ITGB3: variants seen among roughly 807,000 people sequenced by gnomAD.
ITGB3 encodes integrin beta-3.
ITGB3 carries 48 observed loss-of-function variants against 85.8 expected under a neutral mutation model. The observed-to-expected ratio is 0.56, with a 90% CI of 0.44 to 0.71. ITGB3 has a LOEUF of 0.71. ITGB3 is among the 30% of genes least tolerant of loss of function. The pLI, the probability that ITGB3 is intolerant of heterozygous loss-of-function variation, is 0.00. For missense variants in ITGB3, 861 were observed against 1,019.1 expected (o/e 0.84, Z 2.11); for synonymous variants, 363 against 395.6 (o/e 0.92, Z 0.98).
Position 47,310,570 on chromosome 17 carries a change from A to C in ITGB3, c.*366A>C. Reference sequence around the variant, plus strand: ...CAGTGAGAAGCCAGCTTTCCTCATCAGGCCATTGTCCCTGAAGAGAAGGGC... The same window carrying C: ...CAGTGAGAAGCCAGCTTTCCTCATCCGGCCATTGTCCCTGAAGAGAAGGGC... On this transcript the variant is annotated 3_prime_UTR_variant, in exon 15 of 15. Transcript: ENST00000559488. 2.7e-6 allele frequency: 1 copy of C among 367,126 alleles called. No individual in the cohort carries two copies. The highest frequency in any genetic ancestry group is 3.7e-5 in the Admixed American group (1 of 26,946). The allele number at this position is 367,126 out of a possible 1,614,324, so 22.7% of individuals were successfully genotyped here.
Position 47,310,021 on chromosome 17 carries a change from T to C in ITGB3, c.2302-118T>C, listed in dbSNP as rs935467907. The C allele has an allele frequency of 3.7e-6, 3 of 810,694 alleles. No individual in the cohort carries two copies. The African/African-American group carries it at 5.0e-5, about 14-fold the overall frequency. 50.2% of individuals were successfully genotyped at this position (810,694 alleles called of 1,614,324 possible). On this transcript the variant is annotated intron_variant, in intron 14 of 14. Coordinates refer to ENST00000559488, the MANE Select transcript of ITGB3 (RefSeq NM_000212.3). ...CAAAATGAACATTATTCTGTTTCAT[T>C]GATGATGTATTCCAGAGAACGGTGC...
At chr17:47,277,977 G>C (rs1017384877) in intron 2 of ITGB3, among the ~76,000 whole-genome samples, 1 of 152,166 alleles carries the variant, frequency 6.6e-6, no homozygotes, top group East Asian at 1.9e-4. Context: ...TTCATCTTGA[G>C]AGTTTTGCTC....
chr17:47,255,830 C>T (rs117861000), intron 1 of ITGB3, among the ~76,000 whole-genome samples: 4,384 of 152,214 alleles, frequency 0.029, 201 homozygotes, highest in East Asian at 0.23. Context: ...ATAGTGTTAG[C>T]GTGCAGTGAG....
intron 14 of ITGB3, 117 bp from the exon 15 acceptor site, chr17:47,310,022 G>T: frequency 1.3e-6 from 1 of 797,470 alleles, no homozygotes; most frequent in Middle Eastern, 2.2e-4. Flanking sequence ...CTGTTTCATT[G>T]ATGATGTATT....
chr17:47,264,247 G>T (rs577247973), intron 1 of ITGB3, among the ~76,000 whole-genome samples: 1 of 152,124 alleles, frequency 6.6e-6, no homozygotes, highest in Non-Finnish European at 1.5e-5. Context: ...TGGCAGCTTT[G>T]CTCTGTTTAA....
chr17:47,288,276 G>A (rs1414298155), intron 6 of ITGB3, among the ~76,000 whole-genome samples: 1 of 151,874 alleles, frequency 6.6e-6, no homozygotes, highest in Middle Eastern at 3.4e-3. Flanking sequence ...ATGGTGAACA[G>A]GTCCTACGAG....
intron 1 of ITGB3, among the ~76,000 whole-genome samples, chr17:47,269,663 C>T (rs1157667044): frequency 2.0e-5 from 3 of 152,328 alleles, no homozygotes; most frequent in African/African-American, 7.2e-5. Flanking sequence ...ACCACATCTT[C>T]CTGTATTCTG....
At chr17:47,265,535 C>G (rs1168289592) in intron 1 of ITGB3, among the ~76,000 whole-genome samples, 1 of 152,134 alleles carries the variant, frequency 6.6e-6, no homozygotes, top group Non-Finnish European at 1.5e-5. Flanking sequence ...ATATGTCTCT[C>G]TCTTCGTGTG....
intron 2 of ITGB3, among the ~76,000 whole-genome samples, chr17:47,278,049 A>C (rs1389318604): frequency 6.6e-6 from 1 of 152,182 alleles, no homozygotes; most frequent in Non-Finnish European, 1.5e-5. Context: ...TAAACAATGA[A>C]ATGTGAATAC....
Position 47,266,663 on chromosome 17 carries a change from A to G in ITGB3, c.80-7756A>G, listed in dbSNP as rs181723165. On this transcript the variant is annotated intron_variant, in intron 1 of 14. Transcript: ENST00000559488. ...CACAATCACAGCTCACTGCAGCCTC[A>G]ACCTCCCAGGTCCAGCTGATTTTCC... 1.6e-3 allele frequency among the ~76,000 whole-genome samples: 245 copies of G among 152,172 alleles called. 1 individual carries two copies. The highest frequency in any genetic ancestry group is 6.8e-3 in the Middle Eastern group (2 of 294).
intron 6 of ITGB3, among the ~76,000 whole-genome samples, chr17:47,288,885 C>T (rs530203428): frequency 9.9e-5 from 15 of 152,238 alleles, no homozygotes; most frequent in African/African-American, 3.4e-4. Flanking sequence ...GTGGCACAGC[C>T]AATGTGGCTA....
intron 2 of ITGB3, chr17:47,279,656 C>T (rs907907566): frequency 6.6e-6 from 1 of 152,222 alleles, no homozygotes; most frequent in African/African-American, 2.4e-5. Context: ...AGGAAACTCC[C>T]GTCTAATGCA....
chr17:47,308,160 A>AAATAATAATAAT (rs200038305), intron 14 of ITGB3, among the ~76,000 whole-genome samples: 8,179 of 138,470 alleles, frequency 0.059, 334 homozygotes, highest in African/African-American at 0.089. Flanking sequence ...TCGGTCTCAA[A>AAATAATAATAAT]AATAATAATA....
At chr17:47,255,101 C>G (rs900911442) in intron 1 of ITGB3, among the ~76,000 whole-genome samples, 6 of 152,014 alleles carry the variant, frequency 3.9e-5, no homozygotes, top group African/African-American at 1.4e-4. Flanking sequence ...GGCTCAGCCT[C>G]CCGAGTAGCT....
intron 10 of ITGB3, among the ~76,000 whole-genome samples, chr17:47,294,455 C>T (rs565179183): frequency 2.0e-5 from 3 of 152,320 alleles, no homozygotes; most frequent in African/African-American, 4.8e-5. Context: ...GCTGCTGCCC[C>T]ACTAAAGCCA....
chr17:47,265,961 CCTT>C (rs1262073412), intron 1 of ITGB3, among the ~76,000 whole-genome samples: 1 of 152,202 alleles, frequency 6.6e-6, no homozygotes, highest in Non-Finnish European at 1.5e-5. Flanking sequence ...CTCCCTGTCT[CCTT>C]CTCCTTCCTT....
chr17:47,307,688 A>G (rs576161477), intron 14 of ITGB3, 51 bp downstream of exon 14: 12 of 1,565,276 alleles, frequency 7.7e-6, no homozygotes, highest in Non-Finnish European at 9.7e-6. Flanking sequence ...GAGACTCTTA[A>G]GTGGAAGCAG....
rs2065055280 is a variant in ITGB3, at chr17:47,274,335, A to G, written c.80-84A>G. 5.1e-6 allele frequency: 6 copies of G among 1,181,634 alleles called. 1 individual carries two copies. In the Admixed American group the frequency reaches 1.0e-4, roughly 20 times the overall value. 73.2% of individuals were successfully genotyped at this position (1,181,634 alleles called of 1,614,324 possible). ...GCACCTGAGAGCTGTAAACCTGGAC[A>G]TTGGGAAAGTTGGGAAGGATGAGGC... On this transcript the variant is annotated intron_variant, in intron 1 of 14. Coordinates refer to ENST00000559488, the MANE Select transcript of ITGB3 (RefSeq NM_000212.3).
intron 2 of ITGB3, among the ~76,000 whole-genome samples, chr17:47,283,136 GCCTCAAGCAGTC>G (rs1228253203): frequency 1.9e-4 from 29 of 151,872 alleles, no homozygotes; most frequent in African/African-American, 7.0e-4. Flanking sequence ...TGAACTCTTG[GCCTCAAGCAGTC>G]CTCATGCCTT....
Sources: gnomAD v4.1 joint callset for allele counts (sites outside exome capture counted in the v4.1 genomes callset) on GRCh38, gnomAD v4.1.1 for gene constraint, MANE v1.5 for transcripts, NCBI Gene and HGNC (gene_info 2026-07-23, HGNC 2026-07-21) for gene names.